SP3: variants seen among roughly 807,000 people sequenced by gnomAD.
SP3 encodes Sp3 transcription factor.
SP3 carries 10 observed loss-of-function variants against 70.3 expected under a neutral mutation model. That is an observed-to-expected ratio of 0.14 (90% CI 0.09 to 0.24). The LOEUF (loss-of-function observed/expected upper bound fraction) is 0.24, where lower values mean the gene tolerates loss of function less well. SP3 is among the 10% of genes least tolerant of loss of function. SP3 has a pLI of 1.00. For missense variants in SP3, 825 were observed against 914.6 expected, an observed-to-expected ratio of 0.90 and a Z score of 1.26; for synonymous variants, 402 against 333.5, an observed-to-expected ratio of 1.21 and a Z score of -2.24.
At position 173,906,325 on chromosome 2, in the gene SP3, A is replaced by G. The variant is rs1689319342; in HGVS notation, c.*3616T>C. 6.6e-6 allele frequency: 1 copy of G among 152,208 alleles called. No individual in the cohort carries two copies. Among genetic ancestry groups the G allele is most frequent in the African/African-American group, 2.4e-5 (1 of 41,458 alleles). 9.4% of individuals were successfully genotyped at this position (152,208 alleles called of 1,614,324 possible). On this transcript the variant is annotated 3_prime_UTR_variant, in exon 7 of 7. Coordinates refer to ENST00000310015, the MANE Select transcript of SP3 (RefSeq NM_003111.5). ...ATCTGTCTGAACAAGGCAAGGGGCC[A>G]ATGTTGTTTCTTCAACACTAAATAA...
rs1235211725 is a variant in SP3 at position 173,909,018 on chromosome 2, CAT to C, written c.*921_*922del. 6.6e-6 allele frequency: 1 copy of C among 152,256 alleles called. No homozygotes were observed. Among genetic ancestry groups the C allele is most frequent in the Non-Finnish European group, 1.5e-5 (1 of 67,888 alleles). 9.4% of individuals were successfully genotyped at this position (152,256 alleles called of 1,614,324 possible). ...TATGGAAGTGATTTTGTTATGTTTG[CAT>C]ATGTTACACTTTACTGGTAATTTAC... is the stretch of plus-strand genomic sequence containing the variant. On this transcript the variant is annotated 3_prime_UTR_variant, in exon 7 of 7. Transcript: ENST00000310015.
intron 4 of SP3, among the ~76,000 whole-genome samples, chr2:173,951,556 C>T (rs1288253978): frequency 6.6e-6 from 1 of 152,184 alleles, no homozygotes; most frequent in African/African-American, 2.4e-5. Context: ...CATTTAAAGT[C>T]TCAGATCTGC....
intron 4 of SP3, among the ~76,000 whole-genome samples, chr2:173,940,249 A>G (rs938873617): frequency 2.0e-5 from 3 of 152,110 alleles, no homozygotes; most frequent in Non-Finnish European, 4.4e-5. Flanking sequence ...ATGGAAGACA[A>G]TTTTACTGCT....
chr2:173,934,444 A>G lies in SP3; in HGVS notation c.1640-15659T>C, dbSNP rs149277863. 2.4e-3 allele frequency among the ~76,000 whole-genome samples: 361 copies of G among 152,304 alleles called. 13 individuals carry two copies. In the East Asian group the frequency reaches 0.056, roughly 24 times the overall value. ...AAAATTAAACAGGAGTGAAAAAACC[A>G]ATTTATTTATAAAAAGTAGGGAGAA... On this transcript the variant is annotated intron_variant, in intron 4 of 6. Transcript: ENST00000310015.
intron 4 of SP3, among the ~76,000 whole-genome samples, chr2:173,923,653 T>G (rs1689823042): frequency 6.6e-6 from 1 of 152,056 alleles, no homozygotes; most frequent in South Asian, 2.1e-4. Flanking sequence ...GACATTATCT[T>G]TTATCAATAG....
intron 3 of SP3, among the ~76,000 whole-genome samples, chr2:173,961,434 A>G (rs1691072696): frequency 6.6e-6 from 1 of 152,218 alleles, no homozygotes; most frequent in African/African-American, 2.4e-5. Flanking sequence ...TAAACACAAC[A>G]ATATATATGC....
At chr2:173,946,592 C>T (rs1292601275) in intron 4 of SP3, among the ~76,000 whole-genome samples, 2 of 152,098 alleles carry the variant, frequency 1.3e-5, no homozygotes, top group Non-Finnish European at 2.9e-5. Context: ...AATATCTTCA[C>T]TAAACTCTGA....
intron 4 of SP3, among the ~76,000 whole-genome samples, chr2:173,923,868 A>G (rs1164356466): frequency 6.6e-6 from 1 of 152,054 alleles, no homozygotes; most frequent in Admixed American, 6.5e-5. Flanking sequence ...ACCACCGGAT[A>G]ATCCTACAAT....
chr2:173,964,769 CT>C, intron 1 of SP3: 1 of 444,762 alleles, frequency 2.2e-6, no homozygotes, highest in Non-Finnish European at 3.9e-6. Flanking sequence ...TCCTCCTCCT[CT>C]TTCCCTCCTC....
Sources: gnomAD v4.1 joint callset for allele counts (sites outside exome capture counted in the v4.1 genomes callset) on GRCh38, gnomAD v4.1.1 for gene constraint, MANE v1.5 for transcripts, NCBI Gene and HGNC (gene_info 2026-07-23, HGNC 2026-07-21) for gene names.